Variants in PDE1C observed in about 807,000 individuals in gnomAD.
PDE1C encodes dual specificity calcium/calmodulin-dependent 3',5'-cyclic nucleotide phosphodiesterase 1C.
A neutral mutation model predicts 93.1 loss-of-function variants in PDE1C; 62 were observed. The observed-to-expected ratio is 0.67, with a 90% confidence interval of 0.54 to 0.82. The LOEUF is 0.82. Among genes scored for constraint, PDE1C ranks in the 40% least tolerant of loss-of-function variants. The pLI, the probability that PDE1C is intolerant of heterozygous loss-of-function variation, is 0.00. For missense variants in PDE1C, 742 were observed against 884.6 expected, an observed-to-expected ratio of 0.84 and a Z score of 2.04; for synonymous variants, 325 against 310.1, an observed-to-expected ratio of 1.05 and a Z score of -0.50.
At chr7:32,085,383 T>C (rs1197595820) in intron 3 of PDE1C, among the ~76,000 whole-genome samples, 2 of 140,688 alleles carry the variant, frequency 1.4e-5, no homozygotes, top group Non-Finnish European at 3.1e-5. Context: ...CCAAAAAGAG[T>C]CCAGGACCAG....
At chr7:32,201,604 C>T (rs988817135) in intron 2 of PDE1C, among the ~76,000 whole-genome samples, 1 of 152,124 alleles carries the variant, frequency 6.6e-6, no homozygotes, top group East Asian at 1.9e-4. Flanking sequence ...CAAGTGGCTG[C>T]TCTGCATGAG....
intron 3 of PDE1C, among the ~76,000 whole-genome samples, chr7:32,135,379 G>A (rs1244934279): frequency 6.6e-6 from 1 of 151,932 alleles, no homozygotes; most frequent in African/African-American, 2.4e-5. Flanking sequence ...ATCTGATAAG[G>A]GGTTAATATA....
At chr7:32,233,494 A>G (rs1807854540) in intron 1 of PDE1C, among the ~76,000 whole-genome samples, 1 of 152,112 alleles carries the variant, frequency 6.6e-6, no homozygotes. Context: ...AAGAAAAATT[A>G]TACCATGCAA....
intron 1 of PDE1C, among the ~76,000 whole-genome samples, chr7:32,359,341 AG>A (rs1784089609): frequency 6.6e-6 from 1 of 152,226 alleles, no homozygotes; most frequent in South Asian, 2.1e-4. Context: ...ATCTGTGTTT[AG>A]TACTTTACTG....
the PDE1C span, among the ~76,000 whole-genome samples, chr7:31,622,641 C>T: frequency 1.3e-5 from 2 of 151,696 alleles, no homozygotes; most frequent in African/African-American, 4.8e-5. Context: ...ACTAAATGCC[C>T]ACAAGAGAAA....
chr7:31,714,158 T>C, the PDE1C span, among the ~76,000 whole-genome samples: 4 of 152,224 alleles, frequency 2.6e-5, no homozygotes, highest in Non-Finnish European at 5.9e-5. Flanking sequence ...AAGTCACCCC[T>C]TGAATGCTTT....
chr7:31,819,961 C>CT (rs1362748900), intron 14 of PDE1C, among the ~76,000 whole-genome samples: 1 of 152,070 alleles, frequency 6.6e-6, no homozygotes, highest in African/African-American at 2.4e-5. Context: ...AAGAAAGGTG[C>CT]TTCTAGACAT....
chr7:31,660,806 T>TA, the PDE1C span, among the ~76,000 whole-genome samples: 1 of 151,896 alleles, frequency 6.6e-6, no homozygotes, highest in African/African-American at 2.4e-5. Flanking sequence ...AATATGAAAA[T>TA]ACGTATCTAG....
At chr7:31,648,816 T>C in the PDE1C span, among the ~76,000 whole-genome samples, 1 of 152,220 alleles carries the variant, frequency 6.6e-6, no homozygotes, top group Non-Finnish European at 1.5e-5. Flanking sequence ...TGTTCAGCTA[T>C]ACTGTGGTCC....
chr7:32,189,374 T>A (rs551173063), intron 2 of PDE1C, among the ~76,000 whole-genome samples: 26 of 152,358 alleles, frequency 1.7e-4, no homozygotes, highest in Admixed American at 1.2e-3. Context: ...CAGCATTTTT[T>A]AAAAATTTTC....
At chr7:31,889,303 A>G (rs898816317) in intron 2 of PDE1C, among the ~76,000 whole-genome samples, 1 of 152,230 alleles carries the variant, frequency 6.6e-6, no homozygotes, top group South Asian at 2.1e-4. Context: ...TCTTCCTTTC[A>G]ACATCCAGCT....
intron 2 of PDE1C, among the ~76,000 whole-genome samples, chr7:31,960,788 C>T (rs999509553): frequency 6.6e-6 from 1 of 152,130 alleles, no homozygotes; most frequent in Non-Finnish European, 1.5e-5. Context: ...ATCTAAATGT[C>T]TAATAAGATA....
the PDE1C span, among the ~76,000 whole-genome samples, chr7:31,687,498 G>A: frequency 2.0e-5 from 3 of 152,336 alleles, no homozygotes; most frequent in East Asian, 5.8e-4. Context: ...AGGGAATGGA[G>A]TTCTGTAAAA....
At chr7:31,628,727 A>T in the PDE1C span, among the ~76,000 whole-genome samples, 2 of 152,130 alleles carry the variant, frequency 1.3e-5, no homozygotes, top group Non-Finnish European at 2.9e-5. Flanking sequence ...AAGTGCTGGG[A>T]TTACAGGCTT....
the PDE1C span, chr7:31,692,360 G>T: frequency 1.8e-6 from 2 of 1,116,380 alleles, no homozygotes; most frequent in South Asian, 1.4e-5. Flanking sequence ...TTGAATGAAT[G>T]AATAAACAGA....
chr7:32,226,273 G>A (rs73306606), intron 1 of PDE1C, among the ~76,000 whole-genome samples: 1,798 of 152,128 alleles, frequency 0.012, 15 homozygotes, highest in East Asian at 0.02. Context: ...ACAACTGTAC[G>A]GTACCTGCCC....
chr7:32,250,061 T>G (rs76212690), intron 1 of PDE1C, among the ~76,000 whole-genome samples: 3,605 of 152,306 alleles, frequency 0.024, 58 homozygotes, highest in Non-Finnish European at 0.037. Context: ...ATGCAGAGCA[T>G]GTTTCAATCT....
chr7:32,029,917 G>A (rs920845491), intron 2 of PDE1C, among the ~76,000 whole-genome samples: 13 of 151,986 alleles, frequency 8.6e-5, no homozygotes, highest in African/African-American at 2.9e-4. Flanking sequence ...TAAAGAACTC[G>A]AAACAACTTA....
chr7:32,001,213 G>T (rs1482831510), intron 2 of PDE1C, among the ~76,000 whole-genome samples: 2 of 152,120 alleles, frequency 1.3e-5, no homozygotes, highest in Non-Finnish European at 2.9e-5. Flanking sequence ...ATCTACAGTG[G>T]AAAAAATACC....
Sources: allele counts gnomAD v4.1 joint callset (sites outside exome capture counted in the v4.1 genomes callset), GRCh38; gene constraint gnomAD v4.1.1; transcripts MANE v1.5; gene names NCBI Gene and HGNC (gene_info 2026-07-23, HGNC 2026-07-21).